The following ANXA5 variants were observed in gnomAD, a reference collection of about 807,000 sequenced individuals.
ANXA5 encodes CBP-I.
A neutral mutation model predicts 48.1 loss-of-function variants in ANXA5; 40 were observed. That is an observed-to-expected ratio of 0.83 (90% confidence interval 0.65 to 1.08). The LOEUF (loss-of-function observed/expected upper bound fraction) is 1.08. Ranked by LOEUF, ANXA5 falls within the 50% of genes least tolerant of loss-of-function variation. The probability of loss-of-function intolerance (pLI) is 0.00; values close to 1 mark genes in which losing one functional copy is unlikely to be tolerated. For missense variants in ANXA5, 357 were observed against 376.8 expected, an observed-to-expected ratio of 0.95 and a Z score of 0.44; for synonymous variants, 113 against 129.1, an observed-to-expected ratio of 0.88 and a Z score of 0.85.
At position 121,676,426 on chromosome 4, in the gene ANXA5, G is replaced by C. The variant is rs560861049; in HGVS notation, c.531+1468C>G. Among the ~76,000 whole-genome samples, 3 of 152,250 alleles carry C rather than the reference G, an allele frequency of 2.0e-5. No homozygotes were observed. In the South Asian group the frequency reaches 6.2e-4, roughly 32 times the overall value. ...GAGAAAGAGCTTTGGAGTCAGACAGGCCTCGTTAGGAATTCCAACTCCACT... is the reference window on the plus strand; with the variant it reads ...GAGAAAGAGCTTTGGAGTCAGACAGCCCTCGTTAGGAATTCCAACTCCACT... On this transcript the variant is annotated intron_variant, in intron 8 of 12. Transcript: ENST00000296511.
chr4:121,690,886 C>T (rs1321268124), intron 2 of ANXA5, among the ~76,000 whole-genome samples: 4 of 152,180 alleles, frequency 2.6e-5, no homozygotes, highest in Non-Finnish European at 2.9e-5. Context: ...AGCAAAGCCA[C>T]GTAGCGGTAT....
intron 4 of ANXA5, 152 bp downstream of exon 4, chr4:121,684,525 A>C (rs1329209241): frequency 1.6e-6 from 1 of 639,876 alleles, no homozygotes; most frequent in South Asian, 2.0e-5. Flanking sequence ...CTAAGAGCTG[A>C]TAATTTAGAG....
intron 2 of ANXA5, among the ~76,000 whole-genome samples, chr4:121,695,492 T>C (rs1725064007): frequency 6.6e-6 from 1 of 152,230 alleles, no homozygotes; most frequent in African/African-American, 2.4e-5. Context: ...GCCGGTTAGA[T>C]TGACAAGATC....
rs1457249020 is a variant in ANXA5, at chr4:121,678,152, T to C, written c.475-202A>G. On this transcript the variant is annotated intron_variant, in intron 7 of 12. Coordinates refer to ENST00000296511, the MANE Select transcript of ANXA5 (RefSeq NM_001154.4). ...ATGACCCTACTGATTTTAAATTCTA[T>C]GAAAGAACAAGATACCGCTATCATT... 4.9e-6 allele frequency: 3 copies of C among 612,302 alleles called. No homozygotes were observed. In the Admixed American group the frequency reaches 9.3e-5, roughly 19 times the overall value. The allele number at this position is 612,302 out of a possible 1,614,324, so 37.9% of individuals were successfully genotyped here.
At chr4:121,691,819 A>G (rs551525419) in intron 2 of ANXA5, among the ~76,000 whole-genome samples, 1 of 152,334 alleles carries the variant, frequency 6.6e-6, no homozygotes, top group Admixed American at 6.5e-5. Context: ...GAGAAAATAA[A>G]TTATTTATCA....
intron 3 of ANXA5, among the ~76,000 whole-genome samples, chr4:121,685,447 C>A (rs1724869868): frequency 6.6e-6 from 1 of 151,898 alleles, no homozygotes; most frequent in South Asian, 2.1e-4. Flanking sequence ...AAGGCAGTGA[C>A]GAAAGGAAGG....
chr4:121,681,028 A>C (rs1473335762), intron 6 of ANXA5, among the ~76,000 whole-genome samples: 1 of 152,192 alleles, frequency 6.6e-6, no homozygotes, highest in Non-Finnish European at 1.5e-5. Context: ...TCAGTCAGGC[A>C]GGAGAAAGAG....
At chr4:121,668,914 T>G (rs1724565462) in intron 12 of ANXA5, among the ~76,000 whole-genome samples, 2 of 151,140 alleles carry the variant, frequency 1.3e-5, no homozygotes, top group African/African-American at 4.9e-5. Flanking sequence ...ACATGCATGA[T>G]AAATTAATGT....
intron 4 of ANXA5, among the ~76,000 whole-genome samples, chr4:121,684,264 T>A (rs1724839380): frequency 2.0e-5 from 3 of 152,316 alleles, no homozygotes; most frequent in Admixed American, 6.5e-5. Flanking sequence ...AGCATTTAAA[T>A]CAACTAATTA....
intron 2 of ANXA5, among the ~76,000 whole-genome samples, chr4:121,690,887 G>A (rs1578448977): frequency 6.6e-6 from 1 of 152,194 alleles, no homozygotes; most frequent in East Asian, 1.9e-4. Flanking sequence ...GCAAAGCCAC[G>A]TAGCGGTATT....
At chr4:121,685,034 G>GTATATATATATATA (rs71599154) in intron 3 of ANXA5, among the ~76,000 whole-genome samples, 2 of 135,926 alleles carry the variant, frequency 1.5e-5, no homozygotes, top group African/African-American at 5.6e-5. Flanking sequence ...AAAAAAATAT[G>GTATATATATATATA]TATATATATA....
intron 2 of ANXA5, 71 bp downstream of exon 2, chr4:121,696,510 C>T (rs1725084806): frequency 2.7e-5 from 35 of 1,303,660 alleles, no homozygotes; most frequent in Non-Finnish European, 3.4e-5. Flanking sequence ...TCAGACAAAT[C>T]CTAAAAGTCC....
chr4:121,688,596 C>T (rs1724931888), intron 2 of ANXA5, among the ~76,000 whole-genome samples: 1 of 152,116 alleles, frequency 6.6e-6, no homozygotes, highest in Non-Finnish European at 1.5e-5. Flanking sequence ...TAGTCCTTAC[C>T]CTTGTTCAAG....
At chr4:121,681,575 C>T (rs1724793131) in intron 6 of ANXA5, 96 bp downstream of exon 6, 6 of 678,128 alleles carry the variant, frequency 8.8e-6, no homozygotes, top group South Asian at 2.3e-5. Context: ...TCATTTACTG[C>T]GTGCCTCCCA....
rs942042175 is a variant in ANXA5 at position 121,668,151 on chromosome 4, T to A, written c.*317A>T. The A allele has an allele frequency of 5.0e-6, 1 of 200,110 alleles. No individual in the cohort carries two copies. Among genetic ancestry groups the A allele is most frequent in the African/African-American group, 2.3e-5 (1 of 43,324 alleles). The allele number at this position is 200,110 out of a possible 1,614,324, so 12.4% of individuals were successfully genotyped here. A position where few individuals can be genotyped will look rare whatever the true frequency, so the allele number is the denominator to read the frequency against. ...CTGATTAAAGTATCATGGTTACAAA[T>A]GTAATATAAATGGAGTTTTTAAAAA... On this transcript the variant is annotated 3_prime_UTR_variant, in exon 13 of 13. Coordinates refer to ENST00000296511, the MANE Select transcript of ANXA5 (RefSeq NM_001154.4).
At chr4:121,684,603 T>C in intron 4 of ANXA5, 74 bp downstream of exon 4, 1 of 1,213,590 alleles carries the variant, frequency 8.2e-7, no homozygotes, top group Non-Finnish European at 1.2e-6. Flanking sequence ...CAAAAGAATA[T>C]CAGTATATTC....
At chr4:121,696,174 G>C (rs1300702842) in intron 2 of ANXA5, among the ~76,000 whole-genome samples, 2 of 151,232 alleles carry the variant, frequency 1.3e-5, no homozygotes, top group Non-Finnish European at 2.9e-5. Context: ...AAAGGAAGTC[G>C]GGGGGCGGGG....
chr4:121,691,338 A>G (rs1039220901), intron 2 of ANXA5, among the ~76,000 whole-genome samples: 3 of 151,654 alleles, frequency 2.0e-5, no homozygotes, highest in African/African-American at 7.3e-5. Context: ...AAAAAAATGA[A>G]TAAGACCAAC....
intron 4 of ANXA5, among the ~76,000 whole-genome samples, chr4:121,684,309 C>G (rs1724839959): frequency 6.6e-6 from 1 of 151,628 alleles, no homozygotes; most frequent in East Asian, 1.9e-4. Flanking sequence ...CAAAAGGAAC[C>G]AAGACTGTGA....
Sources: gnomAD v4.1 joint callset for allele counts (sites outside exome capture counted in the v4.1 genomes callset) on GRCh38, gnomAD v4.1.1 for gene constraint, MANE v1.5 for transcripts, NCBI Gene and HGNC (gene_info 2026-07-23, HGNC 2026-07-21) for gene names.